Variants in CCDC7 observed in about 807,000 individuals in gnomAD.
The protein encoded by CCDC7 is coiled-coil domain containing 7, also known as coiled-coil domain-containing protein 7.
In CCDC7, 183 loss-of-function variants were observed where a neutral mutation model predicts 196.9. That is an observed-to-expected ratio of 0.93 (90% CI 0.82 to 1.05). The LOEUF is 1.05. Among genes scored for constraint, CCDC7 ranks in the 50% least tolerant of loss-of-function variants. CCDC7 has a pLI of 0.00. For missense variants in CCDC7, 1,540 were observed against 1,482.2 expected (o/e 1.04, Z -0.64); for synonymous variants, 525 against 484.6 (o/e 1.08, Z -1.10).
chr10:32,781,779 A>C (rs1221000581), intron 29 of CCDC7, among the ~76,000 whole-genome samples: 1 of 152,246 alleles, frequency 6.6e-6, no homozygotes, highest in African/African-American at 2.4e-5. Flanking sequence ...CTTCTAGTCA[A>C]AATAGTATTC....
chr10:32,448,183 G>A (rs192358423), upstream of CCDC7, among the ~76,000 whole-genome samples: 18 of 152,172 alleles, frequency 1.2e-4, no homozygotes, highest in East Asian at 2.9e-3. Flanking sequence ...CATTTTCAGT[G>A]CTATTAAGAT....
At chr10:32,664,714 G>C (rs1426367559) in intron 21 of CCDC7, among the ~76,000 whole-genome samples, 1 of 151,882 alleles carries the variant, frequency 6.6e-6, no homozygotes, top group East Asian at 1.9e-4. Context: ...CTATTGATCT[G>C]TGGCTGGACA....
intron 9 of CCDC7, among the ~76,000 whole-genome samples, chr10:32,504,512 A>T (rs2044584480): frequency 6.6e-6 from 1 of 151,854 alleles, no homozygotes; most frequent in African/African-American, 2.4e-5. Flanking sequence ...TTTATTTGAG[A>T]TCATTATTTC....
At chr10:32,641,494 C>T (rs1182242034) in intron 20 of CCDC7, among the ~76,000 whole-genome samples, 2 of 152,218 alleles carry the variant, frequency 1.3e-5, no homozygotes, top group Non-Finnish European at 2.9e-5. Context: ...CCTTGGTTTT[C>T]AGCTCCATCA....
chr10:32,764,513 G>A (rs774543457), intron 28 of CCDC7, among the ~76,000 whole-genome samples: 4 of 151,808 alleles, frequency 2.6e-5, no homozygotes, highest in African/African-American at 9.7e-5. Context: ...GGACTGTAAC[G>A]GTCAGTTTGG....
In CCDC7 at chr10:32,851,944, T is replaced by A; in HGVS notation, c.4021+12T>A. 1 of 1,583,752 alleles carries A rather than the reference T, an allele frequency of 6.3e-7. No individual in the cohort carries two copies. Among genetic ancestry groups the A allele is most frequent in the Non-Finnish European group, 8.5e-7 (1 of 1,170,688 alleles). ...TCAACTCCCTTCAGGTAATTTTTAA[T>A]ATTTTTAGTGTACAGTGTGATTTTT... On this transcript the variant is annotated intron_variant, in intron 40 of 41. Coordinates refer to ENST00000639629, the Ensembl canonical transcript of CCDC7.
intron 33 of CCDC7, among the ~76,000 whole-genome samples, 166 bp downstream of exon 34, chr10:32,835,064 A>T (rs1263062265): frequency 6.6e-6 from 1 of 152,166 alleles, no homozygotes; most frequent in Non-Finnish European, 1.5e-5. Flanking sequence ...TCAATGGAAC[A>T]TTAGTTAGAT....
At chr10:32,624,901 T>A (rs1300290520) in intron 18 of CCDC7, among the ~76,000 whole-genome samples, 1 of 151,976 alleles carries the variant, frequency 6.6e-6, no homozygotes, top group East Asian at 1.9e-4. Context: ...TGTTTTTATA[T>A]TAATTGCTTA....
chr10:32,816,129 C>T (rs1055634282), intron 31 of CCDC7, among the ~76,000 whole-genome samples: 1 of 152,214 alleles, frequency 6.6e-6, no homozygotes, highest in Non-Finnish European at 1.5e-5. Flanking sequence ...AACCGGGTCA[C>T]TCCCACCCTA....
chr10:32,502,376 C>A (rs1161926704), intron 9 of CCDC7, among the ~76,000 whole-genome samples: 1 of 152,194 alleles, frequency 6.6e-6, no homozygotes, highest in African/African-American at 2.4e-5. Context: ...AGCTCACCCT[C>A]CATGGGCTGC....
At chr10:32,597,785 C>G (rs1351180839) in intron 18 of CCDC7, among the ~76,000 whole-genome samples, 14 of 152,184 alleles carry the variant, frequency 9.2e-5, no homozygotes, top group Non-Finnish European at 5.9e-5. Flanking sequence ...TGCTGGCGGT[C>G]CACGCCAGAC....
At chr10:32,709,016 T>C (rs2080320236) in intron 24 of CCDC7, among the ~76,000 whole-genome samples, 1 of 152,152 alleles carries the variant, frequency 6.6e-6, no homozygotes, top group African/African-American at 2.4e-5. Context: ...AAAGACAACG[T>C]GCACACGTAT....
chr10:32,566,837 A>G lies in CCDC7; in HGVS notation c.1198-833A>G, dbSNP rs145688550. 1.7e-3 allele frequency among the ~76,000 whole-genome samples: 252 copies of G among 149,516 alleles called. 3 individuals carry two copies. Among genetic ancestry groups the G allele is most frequent in the African/African-American group, 5.8e-3 (237 of 40,710 alleles). ...TGAGGTGGGGGGATAACTTAAGCCC[A>G]GGAGACTAGAGGTTGCAAAAAAACC... is the stretch of plus-strand genomic sequence containing the variant. On this transcript the variant is annotated intron_variant, in intron 14 of 41. Transcript: ENST00000639629.
intron 13 of CCDC7, among the ~76,000 whole-genome samples, chr10:32,562,798 G>A (rs1222960655): frequency 6.6e-6 from 1 of 152,034 alleles, no homozygotes; most frequent in African/African-American, 2.4e-5. Flanking sequence ...GTTCTGGCCA[G>A]GGCAATTAGG....
intron 8 of CCDC7, among the ~76,000 whole-genome samples, chr10:32,489,344 A>G (rs765973594): frequency 2.0e-5 from 3 of 152,176 alleles, no homozygotes; most frequent in Admixed American, 1.3e-4. Context: ...TTGCAGAGCC[A>G]CATTCTGGAA....
chr10:32,494,298 G>A (rs2042573199), intron 9 of CCDC7, among the ~76,000 whole-genome samples: 1 of 151,332 alleles, frequency 6.6e-6, no homozygotes, highest in African/African-American at 2.4e-5. Context: ...TCCTAATTAT[G>A]TGTTTTTGGA....
chr10:32,836,435 C>G (rs1351557553), intron 33 of CCDC7, among the ~76,000 whole-genome samples: 1 of 152,148 alleles, frequency 6.6e-6, no homozygotes, highest in Non-Finnish European at 1.5e-5. Flanking sequence ...AATTCTAGTT[C>G]TAGATCCTTG....
In CCDC7 at chr10:32,695,012, A is replaced by G. The variant is rs1373521484; in HGVS notation, c.2458+20A>G. 1.5e-6 allele frequency: 2 copies of G among 1,342,652 alleles called. No homozygotes were observed. The highest frequency in any genetic ancestry group is 1.5e-5 in the African/African-American group (1 of 67,320). 83.2% of individuals were successfully genotyped at this position (1,342,652 alleles called of 1,614,324 possible). A position where few individuals can be genotyped will look rare whatever the true frequency, so the allele number is the denominator to read the frequency against. ...ATAGTAGTAAGTATAATAATTATAGATAACTTAAAAATTTTAAAGTTAATC... is the reference window on the plus strand; with the variant it reads ...ATAGTAGTAAGTATAATAATTATAGGTAACTTAAAAATTTTAAAGTTAATC... On this transcript the variant is annotated intron_variant, in intron 24 of 41. Coordinates refer to ENST00000639629, the Ensembl canonical transcript of CCDC7.
At chr10:32,466,902 A>AT (rs1435403567) in intron 5 of CCDC7, among the ~76,000 whole-genome samples, 5 of 151,912 alleles carry the variant, frequency 3.3e-5, no homozygotes, top group Non-Finnish European at 5.9e-5. Context: ...ATGTATAAGC[A>AT]TTTTTTTCTC....
Sources: allele counts gnomAD v4.1 joint callset (sites outside exome capture counted in the v4.1 genomes callset), GRCh38; gene constraint gnomAD v4.1.1; transcripts MANE v1.5; gene names NCBI Gene and HGNC (gene_info 2026-07-23, HGNC 2026-07-21).